PHF11: variants seen among roughly 807,000 people sequenced by gnomAD.
PHF11 encodes BRCA1 C-terminus-associated protein.
Under a neutral mutation model 40.5 loss-of-function variants are expected in PHF11, and 38 were observed. That is an observed-to-expected ratio of 0.94 (90% CI 0.72 to 1.23). PHF11 has a LOEUF of 1.23. Ranked by LOEUF, PHF11 falls within the 50% of genes most tolerant of loss-of-function variation. The probability of loss-of-function intolerance (pLI) is 0.00; values close to 1 mark genes in which losing one functional copy is unlikely to be tolerated. For synonymous variants in PHF11, 127 were observed against 138.2 expected (o/e 0.92, Z 0.57); for missense variants, 369 against 392.4 (o/e 0.94, Z 0.50).
chr13:49,518,094 T>C lies in PHF11; in HGVS notation c.401T>C (p.Phe134Ser), dbSNP rs2139063356. Residue 134 changes from phenylalanine (F) to serine (S), a missense_variant, in exon 4 of 10, where the codon TTC becomes TCC. Phe to Ser is a radical substitution (Grantham distance 155). Coordinates refer to ENST00000378319, the MANE Select transcript of PHF11 (RefSeq NM_001040443.3). ...LKNCNKNYHF[F>S]CAKKDDAVPQ... ...AACTGTAACAAGAATTACCACTTTT[T>C]CTGTGCCAAGAAGGACGACGCAGTT... The C allele has an allele frequency of 6.2e-7, 1 of 1,605,584 alleles. No individual in the cohort carries two copies. The highest frequency in any genetic ancestry group is 8.5e-7 in the Non-Finnish European group (1 of 1,172,956).
chr13:49,501,016 GGT>G (rs1491101434), intron 1 of PHF11, among the ~76,000 whole-genome samples: 2 of 77,532 alleles, frequency 2.6e-5, no homozygotes, highest in South Asian at 4.9e-4. Flanking sequence ...TTTTTTTTTT[GGT>G]TTTTTTTTTT....
At chr13:49,503,325 C>T (rs2139034053) in intron 1 of PHF11, among the ~76,000 whole-genome samples, 1 of 152,330 alleles carries the variant, frequency 6.6e-6, no homozygotes, top group South Asian at 2.1e-4. Context: ...AGCACTTCCT[C>T]GGCTACCTCC....
At chr13:49,513,392 A>G (rs2147985) in intron 3 of PHF11, among the ~76,000 whole-genome samples, 102,472 of 149,134 alleles carry the variant, frequency 0.69, 35,524 homozygotes, top group East Asian at 0.87. Flanking sequence ...GTGCAGTGAC[A>G]CGGTCTCAGC....
chr13:49,510,858 T>C (rs1959073075), intron 2 of PHF11, among the ~76,000 whole-genome samples: 1 of 152,228 alleles, frequency 6.6e-6, no homozygotes, highest in Admixed American at 6.5e-5. Flanking sequence ...TTACATAAAA[T>C]CAAATGTACC....
intron 2 of PHF11, among the ~76,000 whole-genome samples, chr13:49,510,976 G>GTTCT (rs1281603904): frequency 4.6e-5 from 7 of 152,142 alleles, no homozygotes; most frequent in Non-Finnish European, 8.8e-5. Context: ...TTTCCTCAAT[G>GTTCT]TTCTGTGCAA....
intron 6 of PHF11, 34 bp from the exon 7 acceptor site, chr13:49,523,141 A>G (rs368738874): frequency 2.2e-6 from 3 of 1,362,188 alleles, no homozygotes; most frequent in Non-Finnish European, 3.2e-6. Flanking sequence ...CAATATTAAA[A>G]TCAATGTAAT....
At chr13:49,501,002 T>TG (rs1368445019) in intron 1 of PHF11, among the ~76,000 whole-genome samples, 3 of 118,472 alleles carry the variant, frequency 2.5e-5, no homozygotes, top group Admixed American at 1.6e-4. Context: ...CAACTTTTGT[T>TG]TTTTTTTTTT....
In PHF11 at chr13:49,496,081, TC is replaced by T; in HGVS notation, c.82del (p.Leu28SerfsTer38). 9.3e-7 allele frequency: 1 copy of T among 1,077,482 alleles called. No homozygotes were observed. The highest frequency in any genetic ancestry group is 1.2e-6 in the Non-Finnish European group (1 of 824,824). 66.7% of individuals were successfully genotyped at this position (1,077,482 alleles called of 1,614,324 possible). On this transcript the variant is annotated frameshift_variant, in exon 1 of 10. Coordinates refer to ENST00000378319, the MANE Select transcript of PHF11 (RefSeq NM_001040443.3). LOFTEE classifies it high-confidence loss of function. The stretch of plus-strand genomic sequence containing the variant: ...GAGGCCCGGCCCGCGCAGGAGGCGC[TC>T]CTCCTTCCCACCGGTGTGTACCGCG... ...SPEARPAQEA[L>X]LLPTGVFQVA...
chr13:49,503,173 G>A (rs532755753), intron 1 of PHF11, among the ~76,000 whole-genome samples: 2 of 152,136 alleles, frequency 1.3e-5, no homozygotes, highest in East Asian at 3.9e-4. Flanking sequence ...TCTCAGCTCC[G>A]ATCTCTGGGC....
At chr13:49,524,044 C>T (rs1959207564) in intron 7 of PHF11, 41 bp from the exon 8 acceptor site, 1 of 1,568,894 alleles carries the variant, frequency 6.4e-7, no homozygotes. Flanking sequence ...GATTAGCTGC[C>T]CTAAGACTAT....
At chr13:49,513,619 C>T (rs563100818) in intron 3 of PHF11, among the ~76,000 whole-genome samples, 1 of 143,590 alleles carries the variant, frequency 7.0e-6, no homozygotes, top group East Asian at 2.0e-4. Context: ...GTGTGAGCCA[C>T]CACGCCCGGC....
At chr13:49,520,963 T>C (rs764404344) in intron 5 of PHF11, 23 bp downstream of exon 5, 11 of 1,556,102 alleles carry the variant, frequency 7.1e-6, no homozygotes, top group East Asian at 2.3e-5. Context: ...AATTTAGCAC[T>C]GTGGGTTTTA....
rs947012356 is a variant in PHF11, at chr13:49,496,054, C to G, written c.53C>G (p.Pro18Arg). ...RPERVLGASS[P>R]EARPAQEALL... ...GAGAGGGTGCTCGGCGCCAGCAGCC[C>G]GGAGGCCCGGCCCGCGCAGGAGGCG... Residue 18 changes from proline to arginine, a missense_variant, in exon 1 of 10, where the codon CCG (proline) becomes CGG (arginine). By Grantham distance (103) the Pro-to-Arg change is moderately radical (BLOSUM62 -2). Transcript: ENST00000378319. 2.1e-6 allele frequency: 3 copies of G among 1,437,510 alleles called. No individual in the cohort carries two copies. The South Asian group carries it at 3.9e-5, about 19-fold the overall frequency. 89.0% of individuals were successfully genotyped at this position (1,437,510 alleles called of 1,614,324 possible).
chr13:49,513,417 G>A (rs571080502), intron 3 of PHF11, among the ~76,000 whole-genome samples: 4 of 147,544 alleles, frequency 2.7e-5, no homozygotes, highest in South Asian at 2.1e-4. Context: ...TGCAACCTCC[G>A]CCTCCTGGGT....
At chr13:49,504,127 G>C (rs1958945600) in intron 1 of PHF11, among the ~76,000 whole-genome samples, 1 of 152,024 alleles carries the variant, frequency 6.6e-6, no homozygotes, top group Admixed American at 6.6e-5. Flanking sequence ...CATCGGTCTA[G>C]AGTGCACAAC....
chr13:49,523,406 C>T, intron 7 of PHF11, 165 bp downstream of exon 7: 1 of 606,588 alleles, frequency 1.6e-6, no homozygotes, highest in Admixed American at 3.2e-5. Flanking sequence ...ATTGTAATCC[C>T]AGCATATCAA....
At chr13:49,517,349 C>A (rs781090861) in intron 3 of PHF11, among the ~76,000 whole-genome samples, 1 of 152,218 alleles carries the variant, frequency 6.6e-6, no homozygotes, top group South Asian at 2.1e-4. Context: ...TTCCCCTAAA[C>A]CAGTTAGGCT....
chr13:49,518,163 A>C lies in PHF11; in HGVS notation c.458+12A>C. The C allele has an allele frequency of 6.4e-7, 1 of 1,563,204 alleles. No individual in the cohort carries two copies. On this transcript the variant is annotated intron_variant, in intron 4 of 9. Transcript: ENST00000378319. ...CGAGGAATTTATAAGTATTTAATAA[A>C]ACATTTTTAAAACCACATTTGGGGG...
intron 2 of PHF11, among the ~76,000 whole-genome samples, chr13:49,511,444 A>G (rs1194471786): frequency 2.0e-5 from 3 of 148,008 alleles, no homozygotes; most frequent in African/African-American, 7.5e-5. Flanking sequence ...CTCCTGCCTC[A>G]GCCTCGCGAG....
Sources: allele counts gnomAD v4.1 joint callset (sites outside exome capture counted in the v4.1 genomes callset), GRCh38; gene constraint gnomAD v4.1.1; transcripts MANE v1.5; gene names NCBI Gene and HGNC (gene_info 2026-07-23, HGNC 2026-07-21).